Variants in MAP3K21 observed in about 807,000 individuals in gnomAD.
MAP3K21 encodes the protein mitogen-activated protein kinase kinase kinase MLK4.
In MAP3K21, 63 loss-of-function variants were observed where a neutral mutation model predicts 86.1. That is an observed-to-expected ratio of 0.73 (90% confidence interval 0.60 to 0.90). The LOEUF is 0.90. MAP3K21 is among the 40% of genes least tolerant of loss of function. MAP3K21 has a pLI of 0.00. For synonymous variants in MAP3K21, 558 were observed against 564.8 expected (o/e 0.99, Z 0.17); for missense variants, 1,220 against 1,367.7 (o/e 0.89, Z 1.70).
At chr1:233,356,761 T>A (rs1357073929) in intron 4 of MAP3K21, among the ~76,000 whole-genome samples, 1 of 152,212 alleles carries the variant, frequency 6.6e-6, no homozygotes, top group Non-Finnish European at 1.5e-5. Flanking sequence ...TATAGTTCAG[T>A]AAGTCCTCAC....
chr1:233,338,604 A>T (rs928896541), intron 1 of MAP3K21, among the ~76,000 whole-genome samples: 5 of 152,236 alleles, frequency 3.3e-5, no homozygotes, highest in Non-Finnish European at 7.3e-5. Context: ...GAAATGGGTC[A>T]TCTGGGAAAG....
intron 4 of MAP3K21, among the ~76,000 whole-genome samples, chr1:233,358,070 T>C (rs1490713105): frequency 1.3e-5 from 2 of 151,854 alleles, no homozygotes; most frequent in African/African-American, 4.8e-5. Context: ...TTTTTTTTTT[T>C]TTTATACTTT....
intron 5 of MAP3K21, among the ~76,000 whole-genome samples, chr1:233,370,786 C>T (rs1047085227): frequency 2.6e-5 from 4 of 152,178 alleles, no homozygotes; most frequent in African/African-American, 4.8e-5. Context: ...CTGGGTTAAA[C>T]GCAGACCTGG....
At chr1:233,338,739 T>C (rs1402433349) in intron 1 of MAP3K21, among the ~76,000 whole-genome samples, 3 of 152,208 alleles carry the variant, frequency 2.0e-5, no homozygotes, top group African/African-American at 7.2e-5. Context: ...CCTCAGACTA[T>C]GCAGTCTTGG....
rs542114902 is a variant in MAP3K21, at chr1:233,348,867, A to T, written c.986+2245A>T. Among the ~76,000 whole-genome samples the T allele has an allele frequency of 3.5e-4, 53 of 152,274 alleles. 1 individual carries two copies. In the South Asian group the frequency reaches 3.7e-3, roughly 11 times the overall value. On this transcript the variant is annotated intron_variant, in intron 2 of 9. Transcript: ENST00000366624. ...GAACCCAGGTCTGCCTGGCTCTCAG[A>T]TTCATGCTCCACAAAAATTGTTTTT... is the stretch of plus-strand genomic sequence containing the variant.
At chr1:233,355,166 TAAAAC>T (rs1241420398) in intron 4 of MAP3K21, among the ~76,000 whole-genome samples, 155 bp downstream of exon 4, 1 of 152,110 alleles carries the variant, frequency 6.6e-6, no homozygotes, top group Non-Finnish European at 1.5e-5. Flanking sequence ...AAAACAAAAA[TAAAAC>T]AGAAGGGTAC....
At chr1:233,349,473 T>C (rs1663207278) in intron 2 of MAP3K21, among the ~76,000 whole-genome samples, 1 of 152,154 alleles carries the variant, frequency 6.6e-6, no homozygotes, top group African/African-American at 2.4e-5. Context: ...TATAGCAACC[T>C]TGTCTATCAT....
Position 233,350,331 on chromosome 1 carries a change from A to G in MAP3K21, c.987-3476A>G, listed in dbSNP as rs117257329. ...ACTGTATTATTAAAAAAACTGAGAA[A>G]CTACCGATCCCTGGCGCTGCTTAGT... is the stretch of plus-strand genomic sequence containing the variant. On this transcript the variant is annotated intron_variant, in intron 2 of 9. Coordinates refer to ENST00000366624, the MANE Select transcript of MAP3K21 (RefSeq NM_032435.3). Among the ~76,000 whole-genome samples the G allele has an allele frequency of 6.0e-3, 918 of 152,098 alleles. 19 individuals are homozygous for G. In the East Asian group the frequency reaches 0.062, roughly 10 times the overall value.
intron 1 of MAP3K21, among the ~76,000 whole-genome samples, chr1:233,337,519 C>T (rs747537811): frequency 5.3e-5 from 8 of 152,190 alleles, no homozygotes; most frequent in Non-Finnish European, 7.3e-5. Context: ...CAACTCTTTA[C>T]AGCCTAATAA....
chr1:233,339,838 G>A (rs373504544), intron 1 of MAP3K21, among the ~76,000 whole-genome samples: 48 of 126,534 alleles, frequency 3.8e-4, no homozygotes, highest in African/African-American at 1.3e-3. Flanking sequence ...GAGGGTAGAG[G>A]TGAATCGATT....
chr1:233,379,769 A>G (rs953394940), intron 9 of MAP3K21, 59 bp downstream of exon 9: 2 of 1,249,008 alleles, frequency 1.6e-6, no homozygotes, highest in African/African-American at 2.9e-5. Flanking sequence ...AGTATGTGAA[A>G]CAGTATGGAT....
At chr1:233,372,462 T>C (rs1032835211) in intron 6 of MAP3K21, 4 of 384,034 alleles carry the variant, frequency 1.0e-5, no homozygotes, top group African/African-American at 2.1e-5. Context: ...AACGTTAGCA[T>C]AACCTAATTC....
chr1:233,374,322 C>A (rs1202819452), intron 6 of MAP3K21, among the ~76,000 whole-genome samples: 1 of 151,892 alleles, frequency 6.6e-6, no homozygotes, highest in Non-Finnish European at 1.5e-5. Context: ...ATTACAGGTG[C>A]CCGCCACCAC....
At chr1:233,345,067 A>G (rs1257631290) in intron 1 of MAP3K21, among the ~76,000 whole-genome samples, 1 of 152,222 alleles carries the variant, frequency 6.6e-6, no homozygotes, top group Non-Finnish European at 1.5e-5. Context: ...GCGACCATTA[A>G]AAAGTCAGGA....
chr1:233,385,065 A>G lies in MAP3K21; in HGVS notation c.*2354A>G, dbSNP rs906545897. The G allele has an allele frequency of 3.9e-5, 6 of 152,260 alleles. No individual in the cohort carries two copies. Among genetic ancestry groups the G allele is most frequent in the Non-Finnish European group, 8.8e-5 (6 of 68,042 alleles). The allele number at this position is 152,260 out of a possible 1,614,324, so 9.4% of individuals were successfully genotyped here. On this transcript the variant is annotated 3_prime_UTR_variant, in exon 10 of 10. Transcript: ENST00000366624. ...AGGCCTGGGCCTAATGTGCTGTATTATGAAGCCTTGTGACTGAAAAATATG... is the reference window on the plus strand; with the variant it reads ...AGGCCTGGGCCTAATGTGCTGTATTGTGAAGCCTTGTGACTGAAAAATATG...
At position 233,358,005 on chromosome 1, in the gene MAP3K21, C is replaced by A. The variant is rs558317008; in HGVS notation, c.1311+2994C>A. ...ATGATAGACCTCCCTCACCCCCCAC[C>A]AGGAACTCTGAGTCAGACAGCCCTG... On this transcript the variant is annotated intron_variant, in intron 4 of 9. Transcript: ENST00000366624. Among the ~76,000 whole-genome samples, 9 of 151,662 alleles carry A rather than the reference C, an allele frequency of 5.9e-5. No homozygotes were observed. The South Asian group carries it at 1.9e-3, about 32-fold the overall frequency.
intron 9 of MAP3K21, among the ~76,000 whole-genome samples, 160 bp from the exon 10 acceptor site, chr1:233,382,145 C>T (rs181019229): frequency 6.6e-6 from 1 of 152,306 alleles, no homozygotes; most frequent in Non-Finnish European, 1.5e-5. Context: ...TTCGAGGCTG[C>T]AGTGTGCTAT....
At chr1:233,354,102 G>A in intron 3 of MAP3K21, 147 bp downstream of exon 3, 1 of 1,004,968 alleles carries the variant, frequency 1.0e-6, no homozygotes, top group South Asian at 3.0e-5. Flanking sequence ...TGGAAACCTA[G>A]TCTTTGATCT....
chr1:233,346,330 T>C (rs1382465476), intron 1 of MAP3K21, 112 bp from the exon 2 acceptor site: 1 of 785,982 alleles, frequency 1.3e-6, no homozygotes, highest in Non-Finnish European at 2.0e-6. Context: ...TGCAAGTTTA[T>C]TCTTGTTTAT....
Sources: allele counts gnomAD v4.1 joint callset (sites outside exome capture counted in the v4.1 genomes callset), GRCh38; gene constraint gnomAD v4.1.1; transcripts MANE v1.5; gene names NCBI Gene and HGNC (gene_info 2026-07-23, HGNC 2026-07-21).